Variants in SHCBP1L observed in about 807,000 individuals in gnomAD.
The protein encoded by SHCBP1L is testicular spindle-associated protein SHCBP1L.
Under a neutral mutation model 62.5 loss-of-function variants are expected in SHCBP1L, and 67 were observed. The observed-to-expected ratio is 1.07, with a 90% CI of 0.88 to 1.31. The LOEUF (loss-of-function observed/expected upper bound fraction) is 1.31. Ranked by LOEUF, SHCBP1L falls within the 40% of genes most tolerant of loss-of-function variation. The pLI is 0.00. For synonymous variants in SHCBP1L, 284 were observed against 289.4 expected (o/e 0.98, Z 0.19); for missense variants, 823 against 809.8 (o/e 1.02, Z -0.20).
At chr1:182,906,448 C>A (rs78966692) in intron 6 of SHCBP1L, among the ~76,000 whole-genome samples, 1 of 147,296 alleles carries the variant, frequency 6.8e-6, no homozygotes, top group African/African-American at 2.5e-5. Context: ...TTTTTTTTTC[C>A]GAGATCGAAT....
At chr1:182,924,974 G>GAAAGAAAGAAAGAAAGAAAGAAAGAAAA (rs1344712194) in intron 6 of SHCBP1L, among the ~76,000 whole-genome samples, 1 of 109,512 alleles carries the variant, frequency 9.1e-6, no homozygotes, top group African/African-American at 3.8e-5. Context: ...AAGAAAGAAA[G>GAAAGAAAGAAAGAAAGAAAGAAAGAAAA]AAAAAAAAAG....
intron 6 of SHCBP1L, among the ~76,000 whole-genome samples, chr1:182,908,003 A>G (rs1650069373): frequency 6.6e-6 from 1 of 152,222 alleles, no homozygotes; most frequent in African/African-American, 2.4e-5. Context: ...ATTTCCTTCT[A>G]GTATATTTCC....
At chr1:182,925,225 G>A (rs530376004) in intron 6 of SHCBP1L, among the ~76,000 whole-genome samples, 4 of 152,202 alleles carry the variant, frequency 2.6e-5, no homozygotes, top group East Asian at 3.9e-4. Flanking sequence ...GCAATAAAGC[G>A]CACAAAAGGA....
Position 182,940,546 on chromosome 1 carries a change from A to G in SHCBP1L, c.556-3T>C. The G allele has an allele frequency of 6.2e-7, 1 of 1,611,812 alleles. No individual in the cohort carries two copies. Among genetic ancestry groups the G allele is most frequent in the Non-Finnish European group, 8.5e-7 (1 of 1,178,428 alleles). On this transcript the variant is annotated splice_region_variant and splice_polypyrimidine_tract_variant and intron_variant, in intron 2 of 9. Coordinates refer to ENST00000367547, the MANE Select transcript of SHCBP1L (RefSeq NM_030933.4). ...TCTTGGTATGGTTCACAAGTTACCT[A>G]AGATAAATATCATAAGAGATAAGAG...
chr1:182,931,091 A>G (rs1279000108), intron 5 of SHCBP1L, among the ~76,000 whole-genome samples: 1 of 152,028 alleles, frequency 6.6e-6, no homozygotes, highest in African/African-American at 2.4e-5. Flanking sequence ...GAAACTTTCT[A>G]ATAATTTTCT....
rs141582750 is a variant in SHCBP1L at position 182,907,740 on chromosome 1, G to A, written c.1183-2091C>T. 6.8e-3 allele frequency among the ~76,000 whole-genome samples: 1,038 copies of A among 151,848 alleles called. 15 individuals are homozygous for A. The highest frequency in any genetic ancestry group is 0.023 in the African/African-American group (964 of 41,430). The stretch of plus-strand genomic sequence containing the variant: ...ACTATAGGTGTGTGCCACTGCACCC[G>A]GCTAATTTTTGTATTTTTAGTGGAG... On this transcript the variant is annotated intron_variant, in intron 6 of 9. Transcript: ENST00000367547.
intron 6 of SHCBP1L, among the ~76,000 whole-genome samples, chr1:182,912,474 T>C (rs900590343): frequency 2.0e-5 from 3 of 152,022 alleles, no homozygotes; most frequent in Non-Finnish European, 4.4e-5. Context: ...TCTGTGTACT[T>C]TCCCTGATAC....
At chr1:182,915,116 C>G (rs1351303502) in intron 6 of SHCBP1L, among the ~76,000 whole-genome samples, 2 of 124,876 alleles carry the variant, frequency 1.6e-5, no homozygotes, top group African/African-American at 3.1e-5. Flanking sequence ...GAGCTGAGAT[C>G]GCACCATTGC....
chr1:182,943,275 ATTTTTTTTTTTTT>A (rs767553592), intron 2 of SHCBP1L, among the ~76,000 whole-genome samples: 1 of 79,094 alleles, frequency 1.3e-5, no homozygotes, highest in East Asian at 4.1e-4. Context: ...ACCATTCTTG[ATTTTTTTTTTTTT>A]TTTTTTTTTT....
chr1:182,925,451 A>G (rs1214120466), intron 6 of SHCBP1L, among the ~76,000 whole-genome samples: 1 of 152,252 alleles, frequency 6.6e-6, no homozygotes, highest in African/African-American at 2.4e-5. Context: ...CTTCAACATC[A>G]TTAGTCATTA....
At chr1:182,940,644 T>A in intron 2 of SHCBP1L, 101 bp from the exon 3 acceptor site, 1 of 894,112 alleles carries the variant, frequency 1.1e-6, no homozygotes, top group Non-Finnish European at 1.6e-6. Context: ...TTTCTTCTTT[T>A]AAATTTATGA....
intron 5 of SHCBP1L, among the ~76,000 whole-genome samples, chr1:182,936,230 G>A (rs1319004499): frequency 6.7e-6 from 1 of 149,570 alleles, no homozygotes. Flanking sequence ...CCACCTCACA[G>A]GTTCAAGTGA....
chr1:182,949,216 G>A (rs567580843), intron 2 of SHCBP1L, among the ~76,000 whole-genome samples: 2 of 150,732 alleles, frequency 1.3e-5, no homozygotes, highest in Non-Finnish European at 2.9e-5. Flanking sequence ...AATCAGAAAT[G>A]TTCTGCTTTA....
chr1:182,938,149 C>T (rs1162224850), intron 5 of SHCBP1L, among the ~76,000 whole-genome samples: 1 of 152,112 alleles, frequency 6.6e-6, no homozygotes, highest in East Asian at 1.9e-4. Context: ...CTCTTGTTGC[C>T]CAGGCTGGAG....
intron 5 of SHCBP1L, among the ~76,000 whole-genome samples, chr1:182,933,318 C>T (rs1311795919): frequency 6.6e-6 from 1 of 152,152 alleles, no homozygotes; most frequent in Non-Finnish European, 1.5e-5. Flanking sequence ...AATCTGTATG[C>T]TTTTTATTTC....
At chr1:182,935,711 T>C (rs1427098799) in intron 5 of SHCBP1L, among the ~76,000 whole-genome samples, 1 of 152,322 alleles carries the variant, frequency 6.6e-6, no homozygotes, top group East Asian at 1.9e-4. Flanking sequence ...TGGTAAGGAA[T>C]TGTTACATCT....
chr1:182,948,414 T>TA (rs1157624715), intron 2 of SHCBP1L, among the ~76,000 whole-genome samples: 1 of 152,346 alleles, frequency 6.6e-6, no homozygotes, highest in South Asian at 2.1e-4. Context: ...ACGAGTCTAT[T>TA]AAAAGGGGAC....
At chr1:182,930,679 G>A (rs1275685100) in intron 5 of SHCBP1L, among the ~76,000 whole-genome samples, 16 of 92,410 alleles carry the variant, frequency 1.7e-4, no homozygotes, top group African/African-American at 8.2e-4. Flanking sequence ...GTGTGTGTGT[G>A]TGTGTGTGTG....
chr1:182,945,849 C>T (rs1250795808), intron 2 of SHCBP1L, among the ~76,000 whole-genome samples: 4 of 152,158 alleles, frequency 2.6e-5, no homozygotes, highest in South Asian at 2.1e-4. Flanking sequence ...GTCTTGAGGC[C>T]GGGAGTTCCA....
Sources: gnomAD v4.1 joint callset for allele counts (sites outside exome capture counted in the v4.1 genomes callset) on GRCh38, gnomAD v4.1.1 for gene constraint, MANE v1.5 for transcripts, NCBI Gene and HGNC (gene_info 2026-07-23, HGNC 2026-07-21) for gene names.